GPC5: variants seen among roughly 807,000 people sequenced by gnomAD.
GPC5 encodes glypican 5.
Under a neutral mutation model 53.9 loss-of-function variants are expected in GPC5, and 47 were observed. The observed-to-expected ratio is 0.87, with a 90% CI of 0.69 to 1.11. The LOEUF (loss-of-function observed/expected upper bound fraction) is 1.11. GPC5 is among the 50% of genes most tolerant of loss of function. The pLI, the probability that GPC5 is intolerant of heterozygous loss-of-function variation, is 0.00. For synonymous variants in GPC5, 286 were observed against 263.3 expected, an observed-to-expected ratio of 1.09 and a Z score of -0.84; for missense variants, 748 against 713.1, an observed-to-expected ratio of 1.05 and a Z score of -0.56.
chr13:91,835,719 C>T (rs2038716126), intron 5 of GPC5, among the ~76,000 whole-genome samples: 1 of 150,692 alleles, frequency 6.6e-6, no homozygotes, highest in African/African-American at 2.4e-5. Context: ...GAACATCATA[C>T]ATCAGGGCCT....
chr13:92,089,238 T>C (rs1465332522), intron 6 of GPC5, among the ~76,000 whole-genome samples: 1 of 152,144 alleles, frequency 6.6e-6, no homozygotes, highest in African/African-American at 2.4e-5. Flanking sequence ...ATGGAGACTA[T>C]CCTGGCTAAC....
intron 2 of GPC5, among the ~76,000 whole-genome samples, chr13:91,464,785 A>G (rs1266222192): frequency 6.6e-6 from 1 of 152,060 alleles, no homozygotes; most frequent in Non-Finnish European, 1.5e-5. Context: ...ATGAAGCTAC[A>G]TGTCATAAAA....
At chr13:92,767,467 C>CA (rs890834572) in intron 7 of GPC5, among the ~76,000 whole-genome samples, 31 of 150,916 alleles carry the variant, frequency 2.1e-4, no homozygotes, top group East Asian at 1.4e-3. Context: ...CAAGACTGTC[C>CA]AAAAAAAAGA....
intron 7 of GPC5, among the ~76,000 whole-genome samples, chr13:92,411,452 C>A (rs905578018): frequency 2.6e-5 from 4 of 152,070 alleles, no homozygotes; most frequent in African/African-American, 4.8e-5. Flanking sequence ...GAGAATTGTT[C>A]CATGTAAATA....
intron 2 of GPC5, among the ~76,000 whole-genome samples, chr13:91,613,034 A>G (rs939636082): frequency 3.3e-5 from 5 of 152,152 alleles, no homozygotes; most frequent in Admixed American, 6.6e-5. Flanking sequence ...TGGGCAAATT[A>G]TTTATTCTGT....
chr13:92,161,979 A>C lies in GPC5; in HGVS notation c.1561+16990A>C, dbSNP rs1233173018. 3.8e-5 allele frequency among the ~76,000 whole-genome samples: 5 copies of C among 132,236 alleles called. No homozygotes were observed. In the South Asian group the frequency reaches 9.6e-4, roughly 25 times the overall value. 86.8% of individuals were successfully genotyped at this position (132,236 alleles called of 152,430 possible). ...GCCATATATATATATATATATATATATATATATATATATATATGAAACTAA... is the reference window on the plus strand; with the variant it reads ...GCCATATATATATATATATATATATCTATATATATATATATATGAAACTAA... On this transcript the variant is annotated intron_variant, in intron 7 of 7. Transcript: ENST00000377067.
At chr13:91,676,697 A>C (rs1472079337) in intron 2 of GPC5, among the ~76,000 whole-genome samples, 1 of 152,214 alleles carries the variant, frequency 6.6e-6, no homozygotes, top group African/African-American at 2.4e-5. Flanking sequence ...TCGTGCTTTC[A>C]GGAAGACTAA....
intron 6 of GPC5, among the ~76,000 whole-genome samples, chr13:92,081,087 G>A (rs1181341843): frequency 6.6e-6 from 1 of 152,046 alleles, no homozygotes; most frequent in African/African-American, 2.4e-5. Flanking sequence ...TCACCCACTG[G>A]TATATGTCTT....
chr13:92,378,499 A>G (rs1045806988), intron 7 of GPC5, among the ~76,000 whole-genome samples: 1 of 152,190 alleles, frequency 6.6e-6, no homozygotes. Flanking sequence ...TAAATTGGAT[A>G]TGTGACACAC....
chr13:91,786,035 C>A (rs1357931124), intron 5 of GPC5, among the ~76,000 whole-genome samples: 1 of 152,160 alleles, frequency 6.6e-6, no homozygotes, highest in Non-Finnish European at 1.5e-5. Flanking sequence ...CTCGCTCTGT[C>A]ACCCAGGCTG....
chr13:92,114,726 TA>T (rs1329724533), intron 6 of GPC5, among the ~76,000 whole-genome samples: 8 of 152,200 alleles, frequency 5.3e-5, no homozygotes, highest in Admixed American at 5.2e-4. Context: ...TATATAGATA[TA>T]AAGATAGCCT....
chr13:92,558,142 A>G (rs1882564986), intron 7 of GPC5, among the ~76,000 whole-genome samples: 1 of 152,002 alleles, frequency 6.6e-6, no homozygotes, highest in African/African-American at 2.4e-5. Flanking sequence ...ATAAAAGATA[A>G]CTGCTATTTA....
intron 7 of GPC5, among the ~76,000 whole-genome samples, chr13:92,637,985 A>G (rs1885465977): frequency 6.6e-6 from 1 of 152,190 alleles, no homozygotes; most frequent in Non-Finnish European, 1.5e-5. Flanking sequence ...GATGAAATCA[A>G]AAGCAGATTA....
chr13:91,772,733 G>T (rs576437185), intron 5 of GPC5, among the ~76,000 whole-genome samples: 1 of 152,106 alleles, frequency 6.6e-6, no homozygotes, highest in Non-Finnish European at 1.5e-5. Flanking sequence ...GATTTCCCAA[G>T]CCTCAAGTGC....
intron 7 of GPC5, among the ~76,000 whole-genome samples, chr13:92,208,598 C>T (rs1310830023): frequency 6.6e-6 from 1 of 152,090 alleles, no homozygotes; most frequent in Non-Finnish European, 1.5e-5. Flanking sequence ...TATGCAAAAA[C>T]TAAAGAAAAT....
intron 6 of GPC5, among the ~76,000 whole-genome samples, chr13:92,120,992 T>C (rs1290949119): frequency 6.6e-6 from 1 of 152,230 alleles, no homozygotes; most frequent in Non-Finnish European, 1.5e-5. Flanking sequence ...AAAAGACCAC[T>C]AGTTCTTCAA....
intron 4 of GPC5, among the ~76,000 whole-genome samples, chr13:91,752,566 T>C (rs1047258164): frequency 6.6e-6 from 1 of 152,252 alleles, no homozygotes; most frequent in Non-Finnish European, 1.5e-5. Flanking sequence ...CTGTGAAGAA[T>C]CTACCTTCAA....
At chr13:92,089,200 C>T (rs1030199211) in intron 6 of GPC5, among the ~76,000 whole-genome samples, 12 of 152,116 alleles carry the variant, frequency 7.9e-5, no homozygotes, top group East Asian at 3.9e-4. Context: ...TTTGGGAGGC[C>T]GAGGCGGGCC....
chr13:92,541,695 G>A (rs979641029), intron 7 of GPC5, among the ~76,000 whole-genome samples: 2 of 151,740 alleles, frequency 1.3e-5, no homozygotes, highest in Non-Finnish European at 1.5e-5. Flanking sequence ...GACCATCCCA[G>A]CCTCATGAGT....
Sources: allele counts gnomAD v4.1 joint callset (sites outside exome capture counted in the v4.1 genomes callset), GRCh38; gene constraint gnomAD v4.1.1; transcripts MANE v1.5; gene names NCBI Gene and HGNC (gene_info 2026-07-23, HGNC 2026-07-21).